The following MIPEP variants were observed in gnomAD, a reference collection of about 807,000 sequenced individuals.
MIPEP encodes the protein mitochondrial intermediate peptidase.
In MIPEP, 79 loss-of-function variants were observed where a neutral mutation model predicts 90.3. That is an observed-to-expected ratio of 0.87 (90% CI 0.73 to 1.05). The LOEUF (loss-of-function observed/expected upper bound fraction) is 1.05. Among genes scored for constraint, MIPEP ranks in the 50% least tolerant of loss-of-function variants. The probability of loss-of-function intolerance (pLI) is 0.00; values close to 1 mark genes in which losing one functional copy is unlikely to be tolerated. For synonymous variants in MIPEP, 334 were observed against 315.8 expected (o/e 1.06, Z -0.61); for missense variants, 940 against 905.6 (o/e 1.04, Z -0.49).
At chr13:23,834,568 A>C (rs1868938121) in intron 14 of MIPEP, among the ~76,000 whole-genome samples, 1 of 152,236 alleles carries the variant, frequency 6.6e-6, no homozygotes, top group Non-Finnish European at 1.5e-5. Context: ...AAACTCAGCA[A>C]GTGTTTTCTG....
At chr13:23,850,412 G>A (rs1003389881) in intron 10 of MIPEP, among the ~76,000 whole-genome samples, 3 of 152,122 alleles carry the variant, frequency 2.0e-5, no homozygotes, top group Non-Finnish European at 2.9e-5. Context: ...CTTTCCCCCT[G>A]TTCTATAAAG....
At chr13:23,810,686 C>A (rs1042040984) in intron 14 of MIPEP, among the ~76,000 whole-genome samples, 2 of 152,120 alleles carry the variant, frequency 1.3e-5, no homozygotes, top group African/African-American at 4.8e-5. Flanking sequence ...ATATAAAGAC[C>A]AATGGCAAGT....
intron 17 of MIPEP, among the ~76,000 whole-genome samples, chr13:23,759,002 C>G (rs1419190942): frequency 9.2e-5 from 14 of 152,142 alleles, no homozygotes; most frequent in Non-Finnish European, 1.5e-5. Flanking sequence ...ACTCTAAAAA[C>G]CAAGATAAAG....
intron 14 of MIPEP, among the ~76,000 whole-genome samples, chr13:23,831,902 G>A (rs1054307417): frequency 1.3e-5 from 2 of 152,100 alleles, no homozygotes; most frequent in African/African-American, 4.8e-5. Context: ...CTGGGTATAG[G>A]GGTTTAGACT....
At chr13:23,843,436 G>A (rs983075791) in intron 10 of MIPEP, among the ~76,000 whole-genome samples, 5 of 152,148 alleles carry the variant, frequency 3.3e-5, no homozygotes, top group African/African-American at 1.2e-4. Flanking sequence ...AATAACTTTT[G>A]AGTATTCAAC....
intron 10 of MIPEP, among the ~76,000 whole-genome samples, chr13:23,851,840 T>C (rs980842941): frequency 1.7e-4 from 25 of 150,856 alleles, no homozygotes; most frequent in African/African-American, 6.2e-4. Flanking sequence ...ATTACAGACA[T>C]GTGTCACCAT....
intron 15 of MIPEP, among the ~76,000 whole-genome samples, chr13:23,806,952 A>G (rs1953117629): frequency 6.6e-6 from 1 of 152,162 alleles, no homozygotes; most frequent in Non-Finnish European, 1.5e-5. Flanking sequence ...AGAAATAGCA[A>G]TGCAGCATCT....
intron 18 of MIPEP, among the ~76,000 whole-genome samples, chr13:23,753,354 T>A (rs1270365354): frequency 6.6e-6 from 1 of 152,016 alleles, no homozygotes; most frequent in Non-Finnish European, 1.5e-5. Flanking sequence ...AGTAGCAGAG[T>A]CACTGACTGC....
intron 16 of MIPEP, among the ~76,000 whole-genome samples, chr13:23,762,873 GC>G (rs1952562899): frequency 6.6e-6 from 1 of 152,222 alleles, no homozygotes; most frequent in Non-Finnish European, 1.5e-5. Context: ...TGCAACAGAT[GC>G]CATGCCCTTG....
intron 10 of MIPEP, among the ~76,000 whole-genome samples, chr13:23,847,948 G>C (rs1869620292): frequency 6.6e-6 from 1 of 152,178 alleles, no homozygotes; most frequent in South Asian, 2.1e-4. Flanking sequence ...TGTGAGACAG[G>C]TGGAGCAAGA....
chr13:23,848,287 C>T (rs1006766659), intron 10 of MIPEP, among the ~76,000 whole-genome samples: 1 of 152,108 alleles, frequency 6.6e-6, no homozygotes. Flanking sequence ...AAGACTAAAC[C>T]CAGCGGTTTC....
chr13:23,881,043 T>C (rs2312301), intron 3 of MIPEP, among the ~76,000 whole-genome samples: 22 of 152,314 alleles, frequency 1.4e-4, no homozygotes, highest in African/African-American at 4.6e-4. Context: ...TTAACAAGCA[T>C]TATGGAGCTC....
chr13:23,835,667 T>C (rs1159002923), intron 14 of MIPEP, among the ~76,000 whole-genome samples: 2 of 152,224 alleles, frequency 1.3e-5, no homozygotes, highest in Admixed American at 6.5e-5. Context: ...CAGCACAATG[T>C]TGACAACTTA....
At chr13:23,774,781 GTTCTTT>G (rs1952693606) in intron 16 of MIPEP, among the ~76,000 whole-genome samples, 1 of 93,918 alleles carries the variant, frequency 1.1e-5, no homozygotes, top group African/African-American at 3.8e-5. Context: ...TGGTTTATCA[GTTCTTT>G]TTTTTTTTTT....
At position 23,837,676 on chromosome 13, in the gene MIPEP, A is replaced by T; in HGVS notation, c.1419T>A (p.Asn473Lys). 6.2e-7 allele frequency: 1 copy of T among 1,614,180 alleles called. No homozygotes were observed. The highest frequency in any genetic ancestry group is 8.5e-7 in the Non-Finnish European group (1 of 1,179,992). The change falls in exon 13 of 19, where the codon AAT becomes AAA. Residue 473 changes from asparagine to lysine, a missense_variant. By Grantham distance (94) the Asn-to-Lys change is moderately conservative (BLOSUM62 0). Transcript: ENST00000382172. ...YQLPVVVLML[N>K]LPRSSRSSPT... is the part of the protein sequence containing the mutation. Reference sequence around the variant, plus strand: ...GAGAACTCCTTGAGGAACGGGGAAGATTCAGCATAAGAACTACAACTGGGA... The same window carrying T: ...GAGAACTCCTTGAGGAACGGGGAAGTTTCAGCATAAGAACTACAACTGGGA...
At chr13:23,770,168 CAGAA>C (rs1952633485) in intron 16 of MIPEP, among the ~76,000 whole-genome samples, 1 of 152,160 alleles carries the variant, frequency 6.6e-6, no homozygotes, top group Non-Finnish European at 1.5e-5. Context: ...AACAGGCAAG[CAGAA>C]CCCTGGAATG....
At chr13:23,877,255 A>T (rs1177441983) in intron 4 of MIPEP, among the ~76,000 whole-genome samples, 1 of 152,190 alleles carries the variant, frequency 6.6e-6, no homozygotes, top group African/African-American at 2.4e-5. Flanking sequence ...AACATTACTG[A>T]GCTTTCTTCT....
intron 16 of MIPEP, among the ~76,000 whole-genome samples, chr13:23,769,947 C>T (rs1389442742): frequency 1.3e-5 from 2 of 152,096 alleles, no homozygotes; most frequent in Admixed American, 6.6e-5. Flanking sequence ...CACTCAGCAC[C>T]CTTGCCATGT....
intron 4 of MIPEP, among the ~76,000 whole-genome samples, chr13:23,878,196 G>A (rs764414629): frequency 1.3e-5 from 2 of 152,114 alleles, no homozygotes; most frequent in Non-Finnish European, 2.9e-5. Context: ...ATAGGCATTC[G>A]ACTTTTCCTT....
Sources: allele counts gnomAD v4.1 joint callset (sites outside exome capture counted in the v4.1 genomes callset), GRCh38; gene constraint gnomAD v4.1.1; transcripts MANE v1.5; gene names NCBI Gene and HGNC (gene_info 2026-07-23, HGNC 2026-07-21).